Variants in ANKHD1 observed in about 807,000 individuals in gnomAD.
ANKHD1 encodes the protein ankyrin repeat and KH domain-containing protein 1.
A neutral mutation model predicts 230.5 loss-of-function variants in ANKHD1; 31 were observed. The ratio of observed to expected loss-of-function variants is 0.13; its 90% CI spans 0.10 to 0.18. The LOEUF is 0.18. Ranked by LOEUF, ANKHD1 falls within the 10% of genes least tolerant of loss-of-function variation. The pLI, the probability that ANKHD1 is intolerant of heterozygous loss-of-function variation, is 1.00. For synonymous variants in ANKHD1, 1,074 were observed against 1,117.6 expected, an observed-to-expected ratio of 0.96 and a Z score of 0.78; for missense variants, 2,256 against 3,071.3, an observed-to-expected ratio of 0.73 and a Z score of 6.27.
Position 140,513,584 on chromosome 5 carries a change from G to A in ANKHD1, c.4317+105G>A, listed in dbSNP as rs994349389. 9 of 1,115,616 alleles carry A rather than the reference G, an allele frequency of 8.1e-6. No homozygotes were observed. In the African/African-American group the frequency reaches 1.3e-4, roughly 16 times the overall value. The allele number at this position is 1,115,616 out of a possible 1,614,324, so 69.1% of individuals were successfully genotyped here. ...AGCACTTCAGAAGGCCAAGGCGGGT[G>A]GATTACCTGAGGTCAGGAGTTCAAG... is the stretch of plus-strand genomic sequence containing the variant. On this transcript the variant is annotated intron_variant, in intron 24 of 33. Coordinates refer to ENST00000360839, the MANE Select transcript of ANKHD1 (RefSeq NM_017747.3).
At chr5:140,495,627 C>T (rs945253728) in intron 14 of ANKHD1, among the ~76,000 whole-genome samples, 1 of 152,138 alleles carries the variant, frequency 6.6e-6, no homozygotes, top group Non-Finnish European at 1.5e-5. Context: ...TCCTTCATTT[C>T]ATGTCCAGAT....
At chr5:140,469,921 A>T (rs1348541631) in intron 10 of ANKHD1, among the ~76,000 whole-genome samples, 1 of 151,924 alleles carries the variant, frequency 6.6e-6, no homozygotes, top group Admixed American at 6.6e-5. Context: ...AACTTGACTT[A>T]TCTGTTGGCT....
Position 140,528,707 on chromosome 5 carries a change from T to A in ANKHD1, c.5761T>A (p.Leu1921Ile), listed in dbSNP as rs1753702563. The A allele has an allele frequency of 1.9e-6, 3 of 1,614,186 alleles. No homozygotes were observed. The highest frequency in any genetic ancestry group is 2.5e-6 in the Non-Finnish European group (3 of 1,180,030). Residue 1921 changes from leucine (L) to isoleucine (I), a missense_variant, in exon 29 of 34, where the codon TTA becomes ATA. Leu to Ile is a conservative substitution (Grantham distance 5). Transcript: ENST00000360839. ...TCTACCTAACCAGAACGGGACTGTT[T>A]TACCCTCAGAGTCTGCTGGACTAGC... is the stretch of plus-strand genomic sequence containing the variant. The part of the protein sequence containing the change: ...SRLPNQNGTV[L>I]PSESAGLATA...
intron 1 of ANKHD1, among the ~76,000 whole-genome samples, chr5:140,402,510 C>G (rs916915727): frequency 1.3e-5 from 2 of 152,216 alleles, no homozygotes; most frequent in African/African-American, 2.4e-5. Flanking sequence ...CCTTTGGTCT[C>G]TGAGCTTCGC....
chr5:140,402,504 T>C (rs1264192934), intron 1 of ANKHD1, among the ~76,000 whole-genome samples: 1 of 152,174 alleles, frequency 6.6e-6, no homozygotes, highest in Non-Finnish European at 1.5e-5. Flanking sequence ...GGGAGTCCTT[T>C]GGTCTCTGAG....
rs1300022882 is a variant in ANKHD1 at position 140,539,560 on chromosome 5, A to G, written c.*142A>G. The G allele has an allele frequency of 4.4e-6, 4 of 908,516 alleles. No individual in the cohort carries two copies. The East Asian group carries it at 7.7e-5, about 18-fold the overall frequency. 56.3% of individuals were successfully genotyped at this position (908,516 alleles called of 1,614,324 possible). The stretch of plus-strand genomic sequence containing the variant: ...TTGATTGCCCATTGTATAAGAACAA[A>G]TTGATTTCCTATCCACCTGATTATG... On this transcript the variant is annotated 3_prime_UTR_variant, in exon 34 of 34. Transcript: ENST00000360839.
At position 140,503,553 on chromosome 5, in the gene ANKHD1, C is replaced by CTTTTTTTTTTTTTT. The variant is rs70988767; in HGVS notation, c.3005-1249_3005-1236dup. On this transcript the variant is annotated intron_variant, in intron 15 of 33. Transcript: ENST00000360839. ...AATTTCTTTTAACTCAGTTTTCTTT[C>CTTTTTTTTTTTTTT]TTTTTTTTTTTTTTTTTTTTTTTTT... Among the ~76,000 whole-genome samples, 200 of 51,428 alleles carry CTTTTTTTTTTTTTT rather than the reference C, an allele frequency of 3.9e-3. 28 individuals carry two copies. The highest frequency in any genetic ancestry group is 6.7e-3 in the East Asian group (11 of 1,638). The allele number at this position is 51,428 out of a possible 152,430, so 33.7% of individuals were successfully genotyped here. A position where few individuals can be genotyped will look rare whatever the true frequency, so the allele number is the denominator to read the frequency against.
chr5:140,450,297 ATTT>A (rs5871736), intron 7 of ANKHD1, among the ~76,000 whole-genome samples: 15 of 133,210 alleles, frequency 1.1e-4, no homozygotes, highest in Admixed American at 1.5e-4. Context: ...ACCTCTATCT[ATTT>A]TTTTTTTTTT....
At chr5:140,519,782 A>G (rs1753231422) in intron 24 of ANKHD1, among the ~76,000 whole-genome samples, 1 of 152,196 alleles carries the variant, frequency 6.6e-6, no homozygotes, top group African/African-American at 2.4e-5. Flanking sequence ...TCAGTTCAAG[A>G]TGGATTAAAG....
At chr5:140,406,303 G>A (rs1282346592) in intron 1 of ANKHD1, among the ~76,000 whole-genome samples, 2 of 152,078 alleles carry the variant, frequency 1.3e-5, no homozygotes, top group African/African-American at 4.8e-5. Flanking sequence ...TGATGAATTG[G>A]TGTGTAGTTT....
chr5:140,525,106 A>T (rs1268275918), intron 25 of ANKHD1, among the ~76,000 whole-genome samples: 1 of 151,766 alleles, frequency 6.6e-6, no homozygotes, highest in Non-Finnish European at 1.5e-5. Flanking sequence ...ACAGGAGCAA[A>T]ACTCTGTCTC....
rs55859898 is a variant in ANKHD1 at position 140,485,397 on chromosome 5, A to AACACAC, written c.1999-167_1999-162dup. ...CATAAGGAGACCCCATCTCTATTAA[A>AACACAC]ACACACACACACACACACACACACA... On this transcript the variant is annotated intron_variant, in intron 12 of 33. Coordinates refer to ENST00000360839, the MANE Select transcript of ANKHD1 (RefSeq NM_017747.3). This position sits in a 1 kb window ranked among gnomAD's most constrained non-coding sequence, Gnocchi z 4.8. The AACACAC allele has an allele frequency of 1.9e-3, 1,262 of 665,600 alleles. 8 individuals carry two copies. Among genetic ancestry groups the AACACAC allele is most frequent in the African/African-American group, 9.4e-3 (486 of 51,766 alleles). 41.2% of individuals were successfully genotyped at this position (665,600 alleles called of 1,614,324 possible).
At chr5:140,489,231 T>C (rs572176247) in intron 14 of ANKHD1, among the ~76,000 whole-genome samples, 3 of 150,634 alleles carry the variant, frequency 2.0e-5, no homozygotes, top group Non-Finnish European at 4.4e-5. Flanking sequence ...AATTAGGCTA[T>C]GTGCTGTGGC....
intron 10 of ANKHD1, among the ~76,000 whole-genome samples, chr5:140,475,357 G>T (rs1259468574): frequency 6.6e-6 from 1 of 152,156 alleles, no homozygotes; most frequent in Non-Finnish European, 1.5e-5. Flanking sequence ...TTCAGCATGT[G>T]CAGAGGAATA....
chr5:140,535,610 A>G, intron 30 of ANKHD1, 72 bp downstream of exon 30: 1 of 1,471,766 alleles, frequency 6.8e-7, no homozygotes, highest in South Asian at 1.5e-5. Context: ...CAGTTACAAC[A>G]CCATGTTGTA....
Position 140,529,070 on chromosome 5 carries a change from T to C in ANKHD1, c.6124T>C (p.Cys2042Arg). Residue 2042 changes from cysteine (C) to arginine (R), a missense_variant, in exon 29 of 34, where the codon TGT becomes CGT. Cys to Arg is a radical substitution (Grantham distance 180). Coordinates refer to ENST00000360839, the MANE Select transcript of ANKHD1 (RefSeq NM_017747.3). ...STQDQPMANL[C>R]TPSSTANSCS... is the part of the protein sequence containing the mutation. ...ACAGGACCAGCCCATGGCAAACCTA[T>C]GTACCCCATCTTCAACTGCAAACAG... 1 of 1,614,020 alleles carries C rather than the reference T, an allele frequency of 6.2e-7. No homozygotes were observed. Among genetic ancestry groups the C allele is most frequent in the Non-Finnish European group, 8.5e-7 (1 of 1,180,022 alleles).
At chr5:140,414,895 A>G (rs1771231886) in intron 1 of ANKHD1, among the ~76,000 whole-genome samples, 1 of 151,386 alleles carries the variant, frequency 6.6e-6, no homozygotes, top group African/African-American at 2.4e-5. Context: ...GGAATTCTTT[A>G]TATATTCTGG....
At position 140,479,749 on chromosome 5, in the gene ANKHD1, T is replaced by C. The variant is rs564165306; in HGVS notation, c.1783-2831T>C. On this transcript the variant is annotated intron_variant, in intron 10 of 33. Transcript: ENST00000360839. ...ATACATAGGTATATATATATACTTA[T>C]ATATATACCTATGTATGTATATGCG... Among the ~76,000 whole-genome samples the C allele has an allele frequency of 2.7e-5, 4 of 149,606 alleles. No individual in the cohort carries two copies. In the Admixed American group the frequency reaches 2.7e-4, roughly 10 times the overall value.
At position 140,513,725 on chromosome 5, in the gene ANKHD1, CT is replaced by C. The variant is rs1337355218; in HGVS notation, c.4317+248del. 2.6e-5 allele frequency among the ~76,000 whole-genome samples: 4 copies of C among 151,072 alleles called. No individual in the cohort carries two copies. In the East Asian group the frequency reaches 7.8e-4, roughly 30 times the overall value. ...TCGGGAGGCTGAGGCAGGAGAATTGCTTGAGCCCGGGAGGCAGAGGTTGCAG... is the reference window on the plus strand; with the variant it reads ...TCGGGAGGCTGAGGCAGGAGAATTGCTGAGCCCGGGAGGCAGAGGTTGCAG... On this transcript the variant is annotated intron_variant, in intron 24 of 33. Transcript: ENST00000360839.
Sources: gnomAD v4.1 joint callset for allele counts (sites outside exome capture counted in the v4.1 genomes callset) on GRCh38, gnomAD v4.1.1 for gene constraint, Gnocchi (gnomAD v3.1) non-coding constraint, MANE v1.5 for transcripts, NCBI Gene and HGNC (gene_info 2026-07-23, HGNC 2026-07-21) for gene names.